CASP8: variants seen among roughly 807,000 people sequenced by gnomAD.
CASP8 encodes caspase-8.
In CASP8, 24 loss-of-function variants were observed where a neutral mutation model predicts 46.3. That is an observed-to-expected ratio of 0.52 (90% CI 0.38 to 0.73). The LOEUF (loss-of-function observed/expected upper bound fraction) is 0.73. Among genes scored for constraint, CASP8 ranks in the 30% least tolerant of loss-of-function variants. CASP8 has a pLI of 0.00. For synonymous variants in CASP8, 188 were observed against 200.4 expected, an observed-to-expected ratio of 0.94 and a Z score of 0.52; for missense variants, 460 against 559.0, an observed-to-expected ratio of 0.82 and a Z score of 1.79.
At chr2:201,257,354 T>C (rs1170179670), upstream of CASP8, among the ~76,000 whole-genome samples, 3 of 151,108 alleles carry the variant, frequency 2.0e-5, no homozygotes, top group African/African-American at 7.3e-5. Context: ...TGGTGGTGGG[T>C]GCCTGTAGTC....
intron 7 of CASP8, among the ~76,000 whole-genome samples, chr2:201,280,057 CCT>C (rs1491361292): frequency 6.6e-6 from 1 of 151,970 alleles, no homozygotes; most frequent in Non-Finnish European, 1.5e-5. Context: ...AAAAAAGCAA[CCT>C]TTTTTAATGC....
intron 5 of CASP8, among the ~76,000 whole-genome samples, chr2:201,274,107 G>A (rs890947984): frequency 6.6e-6 from 1 of 152,108 alleles, no homozygotes; most frequent in Non-Finnish European, 1.5e-5. Context: ...TCTTTGTGGT[G>A]TGTGTGTGTA....
chr2:201,281,184 C>T (rs779713421), intron 7 of CASP8, among the ~76,000 whole-genome samples: 12 of 151,816 alleles, frequency 7.9e-5, no homozygotes, highest in Non-Finnish European at 1.6e-4. Flanking sequence ...TGTGGTGGTG[C>T]GTGCCTGTAG....
chr2:201,253,293 CTTTTTTTTTTTTTTT>C lies in CASP8; in HGVS notation c.-26-13152_-26-13138del, dbSNP rs34341476. Among the ~76,000 whole-genome samples, 169 of 67,974 alleles carry C rather than the reference CTTTTTTTTTTTTTTT, an allele frequency of 2.5e-3. 2 individuals carry two copies. Among genetic ancestry groups the C allele is most frequent in the Non-Finnish European group, 2.7e-3 (104 of 38,384 alleles). 44.6% of individuals were successfully genotyped at this position (67,974 alleles called of 152,430 possible). On this transcript the variant is annotated intron_variant, in intron 2 of 6. Coordinates refer to the CASP8 transcript ENST00000264274. ...TGTGAGCCACTGCACCTAGCCTGAT[CTTTTTTTTTTTTTTT>C]TTTTTTTTTTTTTTTAAGAAACAGT...
chr2:201,273,062 T>TTG lies in CASP8; in HGVS notation c.595+121_595+122insGT. ...AACGTGCCTGCTCTACTTTTTCTTT[T>TTG]TTTTTTTTTTTTTGTGAGACAGTTT... On this transcript the variant is annotated intron_variant, in intron 5 of 8. Coordinates refer to ENST00000673742, the MANE Select transcript of CASP8 (RefSeq NM_001372051.1). The TTG allele has an allele frequency of 5.2e-6, 4 of 765,122 alleles. No homozygotes were observed. The East Asian group carries it at 1.2e-4, about 22-fold the overall frequency. The allele number at this position is 765,122 out of a possible 1,614,324, so 47.4% of individuals were successfully genotyped here.
intron 2 of CASP8, among the ~76,000 whole-genome samples, chr2:201,247,940 G>A (rs778551108): frequency 3.1e-4 from 47 of 152,132 alleles, no homozygotes; most frequent in Non-Finnish European, 4.0e-4. Context: ...CACTGCGCCC[G>A]GCCAACTTTT....
intron 8 of CASP8, among the ~76,000 whole-genome samples, chr2:201,285,882 GT>G (rs1949534675): frequency 6.6e-6 from 1 of 152,210 alleles, no homozygotes; most frequent in South Asian, 2.1e-4. Flanking sequence ...TATATGAAGA[GT>G]GAGAATTTCC....
intron 7 of CASP8, among the ~76,000 whole-genome samples, chr2:201,283,658 C>T (rs1949314060): frequency 1.1e-5 from 1 of 92,704 alleles, no homozygotes; most frequent in African/African-American, 3.5e-5. Context: ...CAGAGGCGCC[C>T]CTCACCTCCC....
At chr2:201,253,555 A>G (rs1244777587) in intron 2 of CASP8, among the ~76,000 whole-genome samples, 1 of 152,088 alleles carries the variant, frequency 6.6e-6, no homozygotes, top group East Asian at 1.9e-4. Context: ...TATCATTAAA[A>G]GTGACTCCTG....
chr2:201,266,422 T>C lies in CASP8; in HGVS notation c.-26-39T>C. The C allele has an allele frequency of 6.5e-7, 1 of 1,528,462 alleles. No homozygotes were observed. The highest frequency in any genetic ancestry group is 1.7e-5 in the Admixed American group (1 of 59,818). 94.7% of individuals were successfully genotyped at this position (1,528,462 alleles called of 1,614,324 possible). The stretch of plus-strand genomic sequence containing the variant: ...GATGAACAAGCCAGCAAATGGTACT[T>C]TTCTTCCTTATCTGAACATACCATT... On this transcript the variant is annotated intron_variant, in intron 1 of 8. Coordinates refer to ENST00000673742, the MANE Select transcript of CASP8 (RefSeq NM_001372051.1). This position sits in a 1 kb window ranked among gnomAD's most constrained non-coding sequence, Gnocchi z 5.7.
chr2:201,244,564 TA>T (rs956797973), intron 2 of CASP8, among the ~76,000 whole-genome samples: 84 of 148,354 alleles, frequency 5.7e-4, no homozygotes, highest in African/African-American at 1.7e-3. Context: ...CTCTGATGAC[TA>T]AAAAAAAAAG....
rs1325991278 is a variant in CASP8 at position 201,269,530 on chromosome 2, G to A, written c.306-1986G>A. The stretch of plus-strand genomic sequence containing the variant: ...TGAAGGTTCCACTTCTGCCGCATGA[G>A]CTGGGCTGAAGCAAACAGCCAGTGC... On this transcript the variant is annotated intron_variant, in intron 2 of 8. Coordinates refer to ENST00000673742, the MANE Select transcript of CASP8 (RefSeq NM_001372051.1). 8 of 1,613,466 alleles carry A rather than the reference G, an allele frequency of 5.0e-6. No homozygotes were observed. The East Asian group carries it at 8.9e-5, about 18-fold the overall frequency.
chr2:201,271,133 C>T (rs1384872848), intron 2 of CASP8, among the ~76,000 whole-genome samples: 3 of 151,972 alleles, frequency 2.0e-5, no homozygotes, highest in Non-Finnish European at 4.4e-5. Context: ...TGGGAGAATA[C>T]TGACCAGTTT....
intron 1 of CASP8, among the ~76,000 whole-genome samples, chr2:201,264,147 A>G (rs1464396671): frequency 1.3e-5 from 2 of 152,248 alleles, no homozygotes; most frequent in Non-Finnish European, 2.9e-5. Context: ...TAGTAGCCAA[A>G]TAGAGTTCCC....
At position 201,286,474 on chromosome 2, in the gene CASP8, C is replaced by G. The variant is rs780627327; in HGVS notation, c.1320C>G (p.Leu440=). ...RERCPRGDDI[L]TILTEVNYEV... ...TGTATTTCAGAGGCGATGATATTCTCACCATCCTGACTGAAGTGAACTATG... is the reference window on the plus strand; with the variant it reads ...TGTATTTCAGAGGCGATGATATTCTGACCATCCTGACTGAAGTGAACTATG... The change falls in exon 9 of 9, where the codon CTC becomes CTG. Residue 440 remains leucine (L), a synonymous_variant. Transcript: ENST00000673742. The G allele has an allele frequency of 1.1e-5, 18 of 1,612,370 alleles. No individual in the cohort carries two copies. The highest frequency in any genetic ancestry group is 1.5e-5 in the Non-Finnish European group (18 of 1,178,542).
At chr2:201,262,501 A>G (rs184318608) in intron 1 of CASP8, among the ~76,000 whole-genome samples, 7 of 152,156 alleles carry the variant, frequency 4.6e-5, no homozygotes, top group Non-Finnish European at 1.0e-4. Context: ...TATGTATTAC[A>G]TGGCAACATA....
At chr2:201,268,538 T>C (rs1187138194) in intron 2 of CASP8, among the ~76,000 whole-genome samples, 1 of 150,070 alleles carries the variant, frequency 6.7e-6, no homozygotes, top group Non-Finnish European at 1.5e-5. Context: ...GCAACAAGAG[T>C]GAAACTCTGT....
chr2:201,246,451 A>G (rs1946525587), intron 2 of CASP8, among the ~76,000 whole-genome samples: 1 of 152,164 alleles, frequency 6.6e-6, no homozygotes, highest in Non-Finnish European at 1.5e-5. Flanking sequence ...ATCCCCACAC[A>G]CACTAGAATT....
chr2:201,281,986 G>A (rs1216770874), intron 7 of CASP8: 2 of 199,364 alleles, frequency 1.0e-5, no homozygotes, highest in Non-Finnish European at 6.9e-6. Context: ...TCTCGCAGAG[G>A]GGGATTTGGC....
Sources: gnomAD v4.1 joint callset for allele counts (sites outside exome capture counted in the v4.1 genomes callset) on GRCh38, gnomAD v4.1.1 for gene constraint, Gnocchi (gnomAD v3.1) non-coding constraint, MANE v1.5 for transcripts, NCBI Gene and HGNC (gene_info 2026-07-23, HGNC 2026-07-21) for gene names.